Variants in HDAC9 observed in about 807,000 individuals in gnomAD.
HDAC9 encodes the protein MEF-2 interacting transcription repressor (MITR) protein.
Under a neutral mutation model 139.4 loss-of-function variants are expected in HDAC9, and 41 were observed. That is an observed-to-expected ratio of 0.29 (90% CI 0.23 to 0.38). The LOEUF is 0.38. Among genes scored for constraint, HDAC9 ranks in the 10% least tolerant of loss-of-function variants. The probability of loss-of-function intolerance (pLI) is 1.00; values close to 1 mark genes in which losing one functional copy is unlikely to be tolerated. For missense variants in HDAC9, 1,147 were observed against 1,297.0 expected (o/e 0.88, Z 1.78); for synonymous variants, 517 against 476.2 (o/e 1.09, Z -1.12).
chr7:18,591,870 A>G (rs751157891), intron 5 of HDAC9, among the ~76,000 whole-genome samples: 3 of 152,194 alleles, frequency 2.0e-5, no homozygotes, highest in Non-Finnish European at 4.4e-5. Context: ...GGTAAGGTAC[A>G]TAACAGAGAG....
intron 22 of HDAC9, among the ~76,000 whole-genome samples, chr7:18,928,377 C>G (rs746486384): frequency 6.6e-6 from 1 of 152,190 alleles, no homozygotes; most frequent in Non-Finnish European, 1.5e-5. Flanking sequence ...GTACTTTGTT[C>G]TCCTTTTGGC....
At chr7:18,156,133 A>G (rs191051357) in intron 1 of HDAC9, among the ~76,000 whole-genome samples, 1 of 152,282 alleles carries the variant, frequency 6.6e-6, no homozygotes, top group East Asian at 1.9e-4. Flanking sequence ...CTTCATGAAT[A>G]AGTGGTTTGA....
intron 1 of HDAC9, among the ~76,000 whole-genome samples, chr7:18,401,133 T>G (rs1013007603): frequency 2.6e-5 from 4 of 152,226 alleles, no homozygotes; most frequent in African/African-American, 4.8e-5. Flanking sequence ...AGGTTTTCTC[T>G]TTGAAAAGTG....
At chr7:18,320,768 C>T (rs920419128) in intron 1 of HDAC9, among the ~76,000 whole-genome samples, 4 of 152,100 alleles carry the variant, frequency 2.6e-5, no homozygotes, top group African/African-American at 9.7e-5. Flanking sequence ...CACCCCCCAC[C>T]CCAGTTGTCA....
At chr7:18,438,984 T>C (rs899966710) in intron 1 of HDAC9, among the ~76,000 whole-genome samples, 4 of 152,210 alleles carry the variant, frequency 2.6e-5, no homozygotes, top group Non-Finnish European at 5.9e-5. Context: ...CAAAACAATG[T>C]GTGTGCATAC....
At chr7:18,554,695 CCTT>C (rs1378559239) in intron 2 of HDAC9, among the ~76,000 whole-genome samples, 1 of 152,152 alleles carries the variant, frequency 6.6e-6, no homozygotes, top group Non-Finnish European at 1.5e-5. Context: ...CTGTCTCCCT[CCTT>C]CTTTTTTTTC....
intron 21 of HDAC9, among the ~76,000 whole-genome samples, chr7:18,865,756 G>T (rs1798444546): frequency 6.6e-6 from 1 of 152,026 alleles, no homozygotes; most frequent in African/African-American, 2.4e-5. Flanking sequence ...ATAGGTGAAT[G>T]CATGAAAAAA....
chr7:18,663,622 C>G (rs1433023401), intron 11 of HDAC9, among the ~76,000 whole-genome samples: 11 of 152,112 alleles, frequency 7.2e-5, no homozygotes, highest in Non-Finnish European at 1.0e-4. Flanking sequence ...CTTTGAACAC[C>G]TCTCCGGGTA....
At chr7:18,992,127 C>G (rs180841060) in intron 25 of HDAC9, among the ~76,000 whole-genome samples, 2 of 152,280 alleles carry the variant, frequency 1.3e-5, no homozygotes, top group East Asian at 3.9e-4. Flanking sequence ...AAATATATGA[C>G]CTGGTAATTT....
chr7:18,272,870 G>T (rs1454183958), intron 2 of HDAC9, among the ~76,000 whole-genome samples: 1 of 151,398 alleles, frequency 6.6e-6, no homozygotes, highest in African/African-American at 2.4e-5. Flanking sequence ...TGAGGAGAAA[G>T]AATAAAGTGG....
At chr7:18,556,200 T>G (rs1818744671) in intron 2 of HDAC9, among the ~76,000 whole-genome samples, 1 of 151,982 alleles carries the variant, frequency 6.6e-6, no homozygotes, top group Non-Finnish European at 1.5e-5. Flanking sequence ...GAAATATGTG[T>G]TGGGAGGGGT....
intron 1 of HDAC9, among the ~76,000 whole-genome samples, chr7:18,344,811 C>G (rs1782277587): frequency 6.6e-6 from 1 of 151,976 alleles, no homozygotes; most frequent in African/African-American, 2.4e-5. Context: ...TCAGTGTTAA[C>G]TGCACAGTTG....
At chr7:18,371,073 C>A (rs948127183) in intron 1 of HDAC9, among the ~76,000 whole-genome samples, 8 of 152,146 alleles carry the variant, frequency 5.3e-5, no homozygotes, top group African/African-American at 1.9e-4. Flanking sequence ...TTCAGAATGT[C>A]TGTCAGAAGA....
intron 22 of HDAC9, among the ~76,000 whole-genome samples, chr7:18,912,842 C>A (rs1802858561): frequency 6.6e-6 from 1 of 152,030 alleles, no homozygotes; most frequent in South Asian, 2.1e-4. Context: ...TTGTGTTAAA[C>A]TTACAGAAGG....
At chr7:18,274,650 G>A (rs998022452) in intron 2 of HDAC9, among the ~76,000 whole-genome samples, 1 of 152,138 alleles carries the variant, frequency 6.6e-6, no homozygotes, top group African/African-American at 2.4e-5. Context: ...TAAATAATTT[G>A]AGATATTTTT....
At chr7:18,600,626 C>G (rs1243354358) in intron 6 of HDAC9, among the ~76,000 whole-genome samples, 1 of 152,150 alleles carries the variant, frequency 6.6e-6, no homozygotes, top group East Asian at 1.9e-4. Context: ...TTCTACTTCA[C>G]TGATCTACTT....
chr7:18,500,736 A>T (rs1325790470), intron 2 of HDAC9, among the ~76,000 whole-genome samples: 1 of 152,118 alleles, frequency 6.6e-6, no homozygotes, highest in African/African-American at 2.4e-5. Flanking sequence ...CACCAACTAA[A>T]CTTAGAGATT....
chr7:18,589,714 A>G (rs1830411834), intron 3 of HDAC9, among the ~76,000 whole-genome samples: 1 of 152,192 alleles, frequency 6.6e-6, no homozygotes, highest in African/African-American at 2.4e-5. Context: ...TGCTGAATGA[A>G]AGAATAAAGC....
chr7:18,369,457 T>G (rs1784428758), intron 1 of HDAC9, among the ~76,000 whole-genome samples: 1 of 152,096 alleles, frequency 6.6e-6, no homozygotes, highest in South Asian at 2.1e-4. Flanking sequence ...TCTGTTTCTT[T>G]ACCTTTTCTT....
Sources: gnomAD v4.1 joint callset for allele counts (sites outside exome capture counted in the v4.1 genomes callset) on GRCh38, gnomAD v4.1.1 for gene constraint, MANE v1.5 for transcripts, NCBI Gene and HGNC (gene_info 2026-07-23, HGNC 2026-07-21) for gene names.